Variants in COL13A1 observed in about 807,000 individuals in gnomAD.
COL13A1 encodes the protein collagen alpha-1(XIII) chain.
COL13A1 carries 89 observed loss-of-function variants against 130.9 expected under a neutral mutation model. The ratio of observed to expected loss-of-function variants is 0.68; its 90% confidence interval spans 0.57 to 0.81. The LOEUF (loss-of-function observed/expected upper bound fraction) is 0.81. Ranked by LOEUF, COL13A1 falls within the 30% of genes least tolerant of loss-of-function variation. The probability of loss-of-function intolerance (pLI) is 0.00; values close to 1 mark genes in which losing one functional copy is unlikely to be tolerated. For synonymous variants in COL13A1, 402 were observed against 341.6 expected (o/e 1.18, Z -1.95); for missense variants, 879 against 934.6 (o/e 0.94, Z 0.78).
At chr10:69,933,304 G>C (rs1000738115) in intron 31 of COL13A1, among the ~76,000 whole-genome samples, 12 of 152,242 alleles carry the variant, frequency 7.9e-5, no homozygotes, top group African/African-American at 2.9e-4. Flanking sequence ...TTGCCACAAA[G>C]TTTCAGAGGT....
At chr10:69,864,703 T>C (rs1289641850) in intron 2 of COL13A1, among the ~76,000 whole-genome samples, 2 of 152,216 alleles carry the variant, frequency 1.3e-5, no homozygotes, top group Non-Finnish European at 2.9e-5. Flanking sequence ...GAATTCTTCA[T>C]GGGGGTCCAT....
intron 17 of COL13A1, among the ~76,000 whole-genome samples, chr10:69,910,099 GT>G: frequency 6.6e-6 from 1 of 152,226 alleles, no homozygotes; most frequent in East Asian, 1.9e-4. Context: ...CCTACTAATG[GT>G]TTCTTTGGGA....
At chr10:69,948,099 C>T (rs2068822519) in intron 38 of COL13A1, among the ~76,000 whole-genome samples, 1 of 152,198 alleles carries the variant, frequency 6.6e-6, no homozygotes, top group African/African-American at 2.4e-5. Flanking sequence ...GGGGCACACC[C>T]CCTAGAAACC....
chr10:69,956,045 G>T (rs1263485029), intron 39 of COL13A1: 1 of 152,184 alleles, frequency 6.6e-6, no homozygotes, highest in African/African-American at 2.4e-5. Context: ...CATTCCACAA[G>T]CTCCCTCAGG....
chr10:69,835,585 C>T (rs777790146), intron 2 of COL13A1, among the ~76,000 whole-genome samples: 14 of 152,298 alleles, frequency 9.2e-5, no homozygotes, highest in Middle Eastern at 3.4e-3. Context: ...CTCCAGGTTA[C>T]GACTCACACT....
intron 14 of COL13A1, among the ~76,000 whole-genome samples, chr10:69,899,763 G>A (rs2062007249): frequency 6.6e-6 from 1 of 152,126 alleles, no homozygotes; most frequent in South Asian, 2.1e-4. Flanking sequence ...GCTGGCCCAT[G>A]GCTGCCCCTG....
intron 1 of COL13A1, among the ~76,000 whole-genome samples, chr10:69,821,770 C>A (rs1324908337): frequency 6.6e-6 from 1 of 152,212 alleles, no homozygotes; most frequent in African/African-American, 2.4e-5. Context: ...CCACTTGCCA[C>A]CATGAACATG....
At chr10:69,872,753 C>G (rs1352395392) in intron 4 of COL13A1, among the ~76,000 whole-genome samples, 1 of 152,218 alleles carries the variant, frequency 6.6e-6, no homozygotes, top group East Asian at 1.9e-4. Context: ...CCAGGTACTG[C>G]ATTTATCATG....
chr10:69,958,904 A>C lies in COL13A1; in HGVS notation c.*203A>C. The C allele has an allele frequency of 1.6e-6, 1 of 637,790 alleles. No individual in the cohort carries two copies. Among genetic ancestry groups the C allele is most frequent in the South Asian group, 2.4e-5 (1 of 42,188 alleles). The allele number at this position is 637,790 out of a possible 1,614,324, so 39.5% of individuals were successfully genotyped here. ...ATGTTTTGTATAAGCCTATGTCTCT[A>C]ATACATTTTTTGTTTGGTCGTAATG... On this transcript the variant is annotated 3_prime_UTR_variant, in exon 41 of 41. Coordinates refer to ENST00000645393, the MANE Select transcript of COL13A1 (RefSeq NM_001368882.1).
At chr10:69,861,130 C>A (rs1857941696) in intron 2 of COL13A1, among the ~76,000 whole-genome samples, 1 of 152,098 alleles carries the variant, frequency 6.6e-6, no homozygotes, top group African/African-American at 2.4e-5. Flanking sequence ...CAGGCACTTG[C>A]CAAACAATGC....
intron 2 of COL13A1, among the ~76,000 whole-genome samples, chr10:69,833,446 C>A (rs186282520): frequency 1.3e-5 from 2 of 152,166 alleles, no homozygotes; most frequent in Non-Finnish European, 2.9e-5. Flanking sequence ...GGTCCACCTG[C>A]GGGTAGAGGG....
intron 2 of COL13A1, among the ~76,000 whole-genome samples, chr10:69,847,253 TATATAAGGTA>T (rs1853410815): frequency 2.0e-5 from 3 of 152,326 alleles, no homozygotes; most frequent in African/African-American, 7.2e-5. Context: ...TGTGTCTGTG[TATATAAGGTA>T]ATCCCATATG....
chr10:69,878,263 C>A (rs145726521), intron 6 of COL13A1, among the ~76,000 whole-genome samples, 198 bp downstream of exon 6: 2 of 152,206 alleles, frequency 1.3e-5, no homozygotes, highest in Non-Finnish European at 2.9e-5. Context: ...GATTCCTGGG[C>A]GGCGGTCCCA....
chr10:69,843,697 C>G (rs1852224012), intron 2 of COL13A1, among the ~76,000 whole-genome samples: 2 of 152,286 alleles, frequency 1.3e-5, no homozygotes, highest in South Asian at 2.1e-4. Context: ...ATAAAGCAAG[C>G]TGGTATAGCA....
At chr10:69,908,943 T>TGGGA (rs947133603) in intron 17 of COL13A1, among the ~76,000 whole-genome samples, 12 of 145,804 alleles carry the variant, frequency 8.2e-5, no homozygotes, top group African/African-American at 3.0e-4. Flanking sequence ...CCAGATGCCT[T>TGGGA]GGGAGGGAGG....
intron 2 of COL13A1, among the ~76,000 whole-genome samples, chr10:69,839,253 G>A (rs1850931600): frequency 6.6e-6 from 1 of 152,224 alleles, no homozygotes. Context: ...CTAGTGATAT[G>A]AGGACCAACC....
At chr10:69,919,836 G>T in intron 21 of COL13A1, 109 bp downstream of exon 21, 1 of 398,010 alleles carries the variant, frequency 2.5e-6, no homozygotes, top group Non-Finnish European at 4.4e-6. Flanking sequence ...TGCTGTTGGT[G>T]CATGTGTTCC....
chr10:69,857,465 T>G (rs1856762468), intron 2 of COL13A1, among the ~76,000 whole-genome samples: 1 of 152,212 alleles, frequency 6.6e-6, no homozygotes, highest in African/African-American at 2.4e-5. Flanking sequence ...GCTCCCCCAC[T>G]GCTCACATTA....
intron 31 of COL13A1, 93 bp from the exon 32 acceptor site, chr10:69,935,257 C>T (rs2066677328): frequency 1.8e-6 from 2 of 1,098,772 alleles, no homozygotes; most frequent in South Asian, 2.7e-5. Context: ...GCAGCCATGT[C>T]CTCCTCTGGC....
Sources: allele counts gnomAD v4.1 joint callset (sites outside exome capture counted in the v4.1 genomes callset), GRCh38; gene constraint gnomAD v4.1.1; transcripts MANE v1.5; gene names NCBI Gene and HGNC (gene_info 2026-07-23, HGNC 2026-07-21).